Variants in ATP2C2 observed in about 807,000 individuals in gnomAD.
The protein encoded by ATP2C2 is calcium-transporting ATPase type 2C member 2.
In ATP2C2, 171 loss-of-function variants were observed where a neutral mutation model predicts 110.8. The ratio of observed to expected loss-of-function variants is 1.54; its 90% CI spans 1.36 to 1.75. ATP2C2 has a LOEUF of 1.75. Among genes scored for constraint, ATP2C2 ranks in the 40% most tolerant of loss-of-function variants. The pLI, the probability that ATP2C2 is intolerant of heterozygous loss-of-function variation, is 0.00. For synonymous variants in ATP2C2, 804 were observed against 508.4 expected (o/e 1.58, Z -7.82); for missense variants, 1,963 against 1,235.0 (o/e 1.59, Z -8.84).
At chr16:84,439,837 T>G (rs1468913668) in intron 13 of ATP2C2, among the ~76,000 whole-genome samples, 1 of 152,136 alleles carries the variant, frequency 6.6e-6, no homozygotes, top group Non-Finnish European at 1.5e-5. Flanking sequence ...ATTTGTGGTT[T>G]GTTTGTTTGT....
At chr16:84,414,941 C>A (rs904966747) in intron 6 of ATP2C2, among the ~76,000 whole-genome samples, 3 of 151,972 alleles carry the variant, frequency 2.0e-5, no homozygotes, top group Admixed American at 1.3e-4. Context: ...GGGGCCAGGT[C>A]GGAGGTCAGA....
chr16:84,438,148 A>G (rs1908912543), intron 11 of ATP2C2, among the ~76,000 whole-genome samples: 1 of 152,206 alleles, frequency 6.6e-6, no homozygotes, highest in Non-Finnish European at 1.5e-5. Context: ...TTGGGTTGTC[A>G]TAGTTTCTTC....
chr16:84,432,468 C>A (rs1309935132), intron 11 of ATP2C2, among the ~76,000 whole-genome samples: 1 of 151,900 alleles, frequency 6.6e-6, no homozygotes, highest in African/African-American at 2.4e-5. Flanking sequence ...TGTCCCCCTC[C>A]CTGTGTCCAT....
intron 7 of ATP2C2, among the ~76,000 whole-genome samples, chr16:84,417,619 C>A (rs754825583): frequency 2.0e-5 from 3 of 152,226 alleles, no homozygotes; most frequent in Non-Finnish European, 4.4e-5. Context: ...TGGCTGGGCA[C>A]AGTGGCTCAT....
At chr16:84,421,108 C>G (rs925095253) in intron 7 of ATP2C2, among the ~76,000 whole-genome samples, 13 of 152,098 alleles carry the variant, frequency 8.5e-5, no homozygotes, top group Admixed American at 8.5e-4. Context: ...GCCCGGCCGT[C>G]CTTGACAGTT....
chr16:84,434,967 G>A (rs1045022478), intron 11 of ATP2C2, among the ~76,000 whole-genome samples: 4 of 152,222 alleles, frequency 2.6e-5, no homozygotes, highest in Admixed American at 2.6e-4. Flanking sequence ...CACAGCCTGT[G>A]CCATAAAACC....
chr16:84,404,283 A>G (rs1905556187), intron 2 of ATP2C2: 1 of 153,020 alleles, frequency 6.5e-6, no homozygotes, highest in Non-Finnish European at 1.5e-5. Flanking sequence ...TTACATTAGC[A>G]TCTCCAGTAT....
In ATP2C2 at chr16:84,424,434, C is replaced by T. The variant is rs144476942; in HGVS notation, c.919+1171C>T. ...CTGGGATTACAGGCATGCACCATCA[C>T]GCCCAGCTGATTTTTGTATTTTTGG... On this transcript the variant is annotated intron_variant, in intron 10 of 26. Coordinates refer to ENST00000262429, the MANE Select transcript of ATP2C2 (RefSeq NM_014861.4). Among the ~76,000 whole-genome samples, 546 of 152,186 alleles carry T rather than the reference C, an allele frequency of 3.6e-3. 3 individuals are homozygous for T. The highest frequency in any genetic ancestry group is 0.012 in the African/African-American group (511 of 41,494).
At chr16:84,459,099 A>C in intron 21 of ATP2C2, 21 bp from the exon 22 acceptor site, 1 of 1,613,922 alleles carries the variant, frequency 6.2e-7, no homozygotes, top group Non-Finnish European at 8.5e-7. Context: ...TCCGTGAGTA[A>C]ATGGCTCTCT....
chr16:84,413,635 G>T (rs1160366851), intron 6 of ATP2C2, among the ~76,000 whole-genome samples: 1 of 152,148 alleles, frequency 6.6e-6, no homozygotes, highest in Non-Finnish European at 1.5e-5. Context: ...GTGCATTATT[G>T]ATGTCTCCCG....
At chr16:84,412,177 C>G (rs1391521579) in intron 6 of ATP2C2, among the ~76,000 whole-genome samples, 1 of 152,148 alleles carries the variant, frequency 6.6e-6, no homozygotes, top group Non-Finnish European at 1.5e-5. Context: ...TGCCACCACA[C>G]CTGACTACTT....
intron 1 of ATP2C2, among the ~76,000 whole-genome samples, chr16:84,394,402 A>G (rs1904849430): frequency 6.6e-6 from 1 of 151,784 alleles, no homozygotes; most frequent in Non-Finnish European, 1.5e-5. Context: ...GCTCCTACGA[A>G]TTTGCCTGTC....
chr16:84,393,194 A>T (rs559459478), intron 1 of ATP2C2, among the ~76,000 whole-genome samples: 2 of 152,212 alleles, frequency 1.3e-5, no homozygotes, highest in Non-Finnish European at 2.9e-5. Flanking sequence ...CCTGTTTTCA[A>T]CAAAGGATAC....
chr16:84,387,783 A>G (rs188749210), intron 1 of ATP2C2, among the ~76,000 whole-genome samples: 35 of 152,164 alleles, frequency 2.3e-4, no homozygotes, highest in Admixed American at 2.6e-4. Context: ...GGTACATTTT[A>G]GAATATTAGA....
At chr16:84,370,834 C>T (rs745885000) in intron 1 of ATP2C2, among the ~76,000 whole-genome samples, 3 of 152,120 alleles carry the variant, frequency 2.0e-5, no homozygotes, top group Non-Finnish European at 2.9e-5. Flanking sequence ...TGACCAGTTA[C>T]CCCAGTTCTA....
Position 84,448,144 on chromosome 16 carries a change from G to T in ATP2C2, c.1504-389G>T, listed in dbSNP as rs946082525. ...CTGGGGGTGGGTACAAAATAGACTT[G>T]GTGCTGCCCTAGGGAGGCAACAGTC... On this transcript the variant is annotated intron_variant, in intron 16 of 26. Coordinates refer to ENST00000262429, the MANE Select transcript of ATP2C2 (RefSeq NM_014861.4). Among the ~76,000 whole-genome samples the T allele has an allele frequency of 2.0e-5, 3 of 151,996 alleles. No homozygotes were observed. In the East Asian group the frequency reaches 5.8e-4, roughly 29 times the overall value.
intron 20 of ATP2C2, among the ~76,000 whole-genome samples, chr16:84,453,827 C>CTA (rs1316281821): frequency 2.0e-5 from 3 of 150,136 alleles, no homozygotes; most frequent in African/African-American, 7.3e-5. Context: ...AAAAGAGAAG[C>CTA]TATCTTTTTT....
rs149099105 is a variant in ATP2C2 at position 84,445,178 on chromosome 16, C to T, written c.1402-1151C>T. 7.8e-3 allele frequency among the ~76,000 whole-genome samples: 1,191 copies of T among 152,002 alleles called. 26 individuals are homozygous for T. The highest frequency in any genetic ancestry group is 0.028 in the African/African-American group (1,141 of 41,476). On this transcript the variant is annotated intron_variant, in intron 15 of 26. Transcript: ENST00000262429. ...CAAGCTCTGTCTCTGTCACGAGGTG[C>T]TCCCCGCCACGCCTCTGCGCAGCGT...
intron 14 of ATP2C2, 113 bp downstream of exon 14, chr16:84,441,071 C>G: frequency 2.2e-6 from 2 of 920,960 alleles, no homozygotes; most frequent in Non-Finnish European, 3.5e-6. Flanking sequence ...AATGACTGGC[C>G]CATCCAGGGG....
Sources: gnomAD v4.1 joint callset for allele counts (sites outside exome capture counted in the v4.1 genomes callset) on GRCh38, gnomAD v4.1.1 for gene constraint, MANE v1.5 for transcripts, NCBI Gene and HGNC (gene_info 2026-07-23, HGNC 2026-07-21) for gene names.